Variants in ACOX2 observed in about 807,000 individuals in gnomAD.
The protein encoded by ACOX2 is acyl-CoA oxidase 2.
ACOX2 carries 59 observed loss-of-function variants against 77.5 expected under a neutral mutation model. The ratio of observed to expected loss-of-function variants is 0.76; its 90% CI spans 0.62 to 0.95. ACOX2 has a LOEUF of 0.95. Ranked by LOEUF, ACOX2 falls within the 40% of genes least tolerant of loss-of-function variation. The probability of loss-of-function intolerance (pLI) is 0.00; values close to 1 mark genes in which losing one functional copy is unlikely to be tolerated. For missense variants in ACOX2, 837 were observed against 880.4 expected (o/e 0.95, Z 0.62); for synonymous variants, 317 against 340.1 (o/e 0.93, Z 0.75).
chr3:58,526,651 G>C lies in ACOX2; in HGVS notation c.1161C>G (p.His387Gln). Residue 387 changes from histidine to glutamine, a missense_variant, in exon 10 of 15, where the codon CAC (histidine) becomes CAG (glutamine). Coordinates refer to ENST00000302819, the MANE Select transcript of ACOX2 (RefSeq NM_003500.4). This position sits in a 1 kb window ranked among gnomAD's most constrained non-coding sequence, Gnocchi z 4.3. ...TGGCCTTCATGCCCGTGCTCAGTGC[G>C]TGGAGCTGTGAGAACATGGAGGGGG... ...NQDFSFLPEL[H>Q]ALSTGMKAMM... The C allele has an allele frequency of 1.2e-6, 2 of 1,613,586 alleles. No individual in the cohort carries two copies. The highest frequency in any genetic ancestry group is 1.7e-6 in the Non-Finnish European group (2 of 1,179,768).
At position 58,523,849 on chromosome 3, in the gene ACOX2, C is replaced by T. The variant is rs918260165; in HGVS notation, c.1526+577G>A. On this transcript the variant is annotated intron_variant, in intron 11 of 14. Transcript: ENST00000302819. This position sits in a 1 kb window ranked among gnomAD's most constrained non-coding sequence, Gnocchi z 5.3. Reference sequence around the variant, plus strand: ...TGGTGGTATGTGTGTTTGGTCAGGACCTCTCTATTCCCAGCCCCTGGCACA... The same window carrying T: ...TGGTGGTATGTGTGTTTGGTCAGGATCTCTCTATTCCCAGCCCCTGGCACA... Among the ~76,000 whole-genome samples the T allele has an allele frequency of 6.6e-6, 1 of 152,134 alleles. No homozygotes were observed. Among genetic ancestry groups the T allele is most frequent in the African/African-American group, 2.4e-5 (1 of 41,420 alleles).
Position 58,522,673 on chromosome 3 carries a change from C to T in ACOX2, c.1527-72G>A, listed in dbSNP as rs2063367170. Reference sequence around the variant, plus strand: ...AGACAACTGATGGGCTTCCTGTGGTCCCTCAGAAGTAGAAATAATGCCTGT... The same window carrying T: ...AGACAACTGATGGGCTTCCTGTGGTTCCTCAGAAGTAGAAATAATGCCTGT... On this transcript the variant is annotated intron_variant, in intron 11 of 14. Transcript: ENST00000302819. This position sits in a 1 kb window ranked among gnomAD's most constrained non-coding sequence, Gnocchi z 4.3. The T allele has an allele frequency of 4.5e-6, 6 of 1,338,364 alleles. No individual in the cohort carries two copies. Among genetic ancestry groups the T allele is most frequent in the Non-Finnish European group, 6.4e-6 (6 of 930,986 alleles). 82.9% of individuals were successfully genotyped at this position (1,338,364 alleles called of 1,614,324 possible).
In ACOX2 at chr3:58,524,751, C is replaced by T. The variant is rs1348226461; in HGVS notation, c.1347-146G>A. ...GTCACCAGGCCTCTGCCTGGCCTCC[C>T]TCCTGAGGGTTCCCCCTCGGGCCGT... On this transcript the variant is annotated intron_variant, in intron 10 of 14. Coordinates refer to ENST00000302819, the MANE Select transcript of ACOX2 (RefSeq NM_003500.4). The surrounding 1 kb of genome is among the most constrained non-coding windows in gnomAD (Gnocchi z 5.5). 4.4e-6 allele frequency: 4 copies of T among 907,800 alleles called. No individual in the cohort carries two copies. The highest frequency in any genetic ancestry group is 1.7e-5 in the African/African-American group (1 of 60,022). 56.2% of individuals were successfully genotyped at this position (907,800 alleles called of 1,614,324 possible).
rs532645027 is a variant in ACOX2 at position 58,535,126 on chromosome 3, G to A, written c.-20C>T. On this transcript the variant is annotated 5_prime_UTR_variant, in exon 2 of 15. Coordinates refer to ENST00000302819, the MANE Select transcript of ACOX2 (RefSeq NM_003500.4). This position sits in a 1 kb window ranked among gnomAD's most constrained non-coding sequence, Gnocchi z 4.8. The stretch of plus-strand genomic sequence containing the variant: ...GCCCATCCTATCCTGGATCTGTCTG[G>A]TGACTATGGAGAGACACTTCCAACC... The A allele has an allele frequency of 6.2e-7, 1 of 1,614,144 alleles. No individual in the cohort carries two copies. The highest frequency in any genetic ancestry group is 2.2e-5 in the East Asian group (1 of 44,880).
chr3:58,513,340 G>A (rs149258814), intron 13 of ACOX2, among the ~76,000 whole-genome samples: 43 of 152,074 alleles, frequency 2.8e-4, no homozygotes, highest in East Asian at 1.9e-4. Flanking sequence ...TTAATGATTC[G>A]CTTCCTTCTG....
At position 58,509,004 on chromosome 3, in the gene ACOX2, A is replaced by C; in HGVS notation, c.1872T>G (p.Thr624=). The change falls in exon 14 of 15, where the codon ACT becomes ACG. Residue 624 remains threonine, a synonymous_variant. Transcript: ENST00000302819. The part of the protein sequence containing the change: ...RLIRKDAILL[T]DAFDFTDQCL... ...ACTGATCGGTGAAGTCAAAAGCATC[A>C]GTTAACAGGATGGCATCCTTCCTGG... 6.2e-7 allele frequency: 1 copy of C among 1,614,204 alleles called. No individual in the cohort carries two copies. Among genetic ancestry groups the C allele is most frequent in the Non-Finnish European group, 8.5e-7 (1 of 1,180,020 alleles).
At chr3:58,529,468 G>A (rs927955465) in intron 8 of ACOX2, among the ~76,000 whole-genome samples, 1 of 152,222 alleles carries the variant, frequency 6.6e-6, no homozygotes, top group South Asian at 2.1e-4. Context: ...AGTGCCCAAG[G>A]CTATGTCCGG....
chr3:58,536,330 C>G (rs1339026107), intron 1 of ACOX2, among the ~76,000 whole-genome samples: 1 of 152,182 alleles, frequency 6.6e-6, no homozygotes, highest in Non-Finnish European at 1.5e-5. Flanking sequence ...TTGTAAATCT[C>G]TCCGGCAGGC....
intron 14 of ACOX2, among the ~76,000 whole-genome samples, chr3:58,507,535 T>C (rs2063243904): frequency 1.3e-5 from 2 of 152,242 alleles, no homozygotes; most frequent in Admixed American, 1.3e-4. Context: ...AGGTTTGGGC[T>C]ATATATGTCA....
At position 58,535,102 on chromosome 3, in the gene ACOX2, C is replaced by G. The variant is rs1040567640; in HGVS notation, c.5G>C (p.Gly2Ala). The G allele has an allele frequency of 1.2e-6, 2 of 1,614,068 alleles. No individual in the cohort carries two copies. The highest frequency in any genetic ancestry group is 2.2e-5 in the East Asian group (1 of 44,894). The part of the protein sequence containing the change: M[G>A]SPVHRVSLGD... Reference sequence around the variant, plus strand: ...CAATGACACTCGGTGCACTGGGCTGCCCATCCTATCCTGGATCTGTCTGGT... The same window carrying G: ...CAATGACACTCGGTGCACTGGGCTGGCCATCCTATCCTGGATCTGTCTGGT... The change falls in exon 2 of 15, where the codon GGC becomes GCC. Residue 2 changes from glycine to alanine, a missense_variant. Gly to Ala is a moderately conservative substitution (Grantham distance 60). Coordinates refer to ENST00000302819, the MANE Select transcript of ACOX2 (RefSeq NM_003500.4). This position sits in a 1 kb window ranked among gnomAD's most constrained non-coding sequence, Gnocchi z 4.8.
In ACOX2 at chr3:58,531,927, G is replaced by C; in HGVS notation, c.584-115C>G. The C allele has an allele frequency of 1.4e-6, 2 of 1,398,302 alleles. No individual in the cohort carries two copies. Among genetic ancestry groups the C allele is most frequent in the East Asian group, 2.6e-5 (1 of 39,084 alleles). The allele number at this position is 1,398,302 out of a possible 1,614,324, so 86.6% of individuals were successfully genotyped here. ...ATGGGTACCTCTGGGGCCCTGAAAAGTCACTGATCAAAGAGAGAGGGGATT... is the reference window on the plus strand; with the variant it reads ...ATGGGTACCTCTGGGGCCCTGAAAACTCACTGATCAAAGAGAGAGGGGATT... On this transcript the variant is annotated intron_variant, in intron 5 of 14. Transcript: ENST00000302819. This position sits in a 1 kb window ranked among gnomAD's most constrained non-coding sequence, Gnocchi z 5.8.
At chr3:58,509,076 C>G in intron 13 of ACOX2, 51 bp from the exon 14 acceptor site, 1 of 1,591,944 alleles carries the variant, frequency 6.3e-7, no homozygotes, top group Non-Finnish European at 8.6e-7. Flanking sequence ...TCTTATGAAT[C>G]AAACTAGTCT....
intron 14 of ACOX2, among the ~76,000 whole-genome samples, chr3:58,506,457 C>T (rs1211111950): frequency 6.6e-6 from 1 of 152,152 alleles, no homozygotes; most frequent in East Asian, 1.9e-4. Flanking sequence ...CCTGTCTGTA[C>T]TTTTATGTCT....
At chr3:58,513,962 T>A (rs1009830009) in intron 13 of ACOX2, among the ~76,000 whole-genome samples, 1 of 152,152 alleles carries the variant, frequency 6.6e-6, no homozygotes, top group African/African-American at 2.4e-5. Flanking sequence ...GGTACTAGTC[T>A]GGCTGCCAGT....
At position 58,533,983 on chromosome 3, in the gene ACOX2, T is replaced by A. The variant is rs771261332; in HGVS notation, c.475+11A>T. The A allele has an allele frequency of 1.9e-6, 3 of 1,614,032 alleles. No individual in the cohort carries two copies. The highest frequency in any genetic ancestry group is 2.5e-6 in the Non-Finnish European group (3 of 1,179,976). On this transcript the variant is annotated intron_variant, in intron 4 of 14. Transcript: ENST00000302819. This position sits in a 1 kb window ranked among gnomAD's most constrained non-coding sequence, Gnocchi z 5.6. ...ACAACCTAAACACCACACGCAGCAGTCCTAGCTCACCATGTCCCAACTCTG... is the reference window on the plus strand; with the variant it reads ...ACAACCTAAACACCACACGCAGCAGACCTAGCTCACCATGTCCCAACTCTG...
Position 58,528,803 on chromosome 3 carries a change from G to A in ACOX2, c.1146C>T (p.Phe382=), listed in dbSNP as rs749301026. ...CGCAGACAGCAGGTACCTCAGGCAG[G>A]AAGCTGAAGTCTTGGTTCAGAATGG... is the stretch of plus-strand genomic sequence containing the variant. ...YTAILNQDFS[F]LPELHALSTG... is the part of the protein sequence containing the mutation. Residue 382 remains phenylalanine (F), a synonymous_variant, in exon 9 of 15, where the codon TTC becomes TTT. Coordinates refer to ENST00000302819, the MANE Select transcript of ACOX2 (RefSeq NM_003500.4). This position sits in a 1 kb window ranked among gnomAD's most constrained non-coding sequence, Gnocchi z 5.6. The A allele has an allele frequency of 3.1e-6, 5 of 1,608,610 alleles. No homozygotes were observed. Among genetic ancestry groups the A allele is most frequent in the Non-Finnish European group, 2.5e-6 (3 of 1,177,320 alleles).
rs1378250451 is a variant in ACOX2 at position 58,530,501 on chromosome 3, G to C, written c.957C>G (p.Tyr319Ter). The change falls in exon 8 of 15, where the codon TAC (tyrosine) becomes TAG (stop). Residue 319 changes from tyrosine (Y) to a stop codon, truncating the protein, a stop_gained. Coordinates refer to ENST00000302819, the MANE Select transcript of ACOX2 (RefSeq NM_003500.4). LOFTEE classifies it high-confidence loss of function. The stretch of plus-strand genomic sequence containing the variant: ...GCCGGGATTGGCGGCGGATGACCGA[G>C]TAGCGCATGGCGATGACACAGGCCT... ...LQKACVIAMR[Y>*]SVIRRQSRLR... The C allele has an allele frequency of 1.2e-6, 2 of 1,614,226 alleles. No individual in the cohort carries two copies. Among genetic ancestry groups the C allele is most frequent in the Non-Finnish European group, 8.5e-7 (1 of 1,180,014 alleles).
At chr3:58,530,018 G>A (rs944890740) in intron 8 of ACOX2, among the ~76,000 whole-genome samples, 1 of 152,212 alleles carries the variant, frequency 6.6e-6, no homozygotes, top group African/African-American at 2.4e-5. Flanking sequence ...GCCACACACA[G>A]TCGATATGAT....
Position 58,528,649 on chromosome 3 carries a change from C to G in ACOX2, c.1155+145G>C. The G allele has an allele frequency of 9.3e-7, 1 of 1,074,690 alleles. No homozygotes were observed. The highest frequency in any genetic ancestry group is 2.2e-5 in the South Asian group (1 of 45,978). The allele number at this position is 1,074,690 out of a possible 1,614,324, so 66.6% of individuals were successfully genotyped here. ...AATTTATATACCAGGGTGCCGTTCA[C>G]CCAGACGCCCTGGGATGCTGAAAGC... On this transcript the variant is annotated intron_variant, in intron 9 of 14. Coordinates refer to ENST00000302819, the MANE Select transcript of ACOX2 (RefSeq NM_003500.4). This position sits in a 1 kb window ranked among gnomAD's most constrained non-coding sequence, Gnocchi z 5.6.
Sources: gnomAD v4.1 joint callset for allele counts (sites outside exome capture counted in the v4.1 genomes callset) on GRCh38, gnomAD v4.1.1 for gene constraint, Gnocchi (gnomAD v3.1) non-coding constraint, MANE v1.5 for transcripts, NCBI Gene and HGNC (gene_info 2026-07-23, HGNC 2026-07-21) for gene names.